The following KIAA0825 variants were observed in gnomAD, a reference collection of about 807,000 sequenced individuals.
KIAA0825 encodes KIAA0825.
Under a neutral mutation model 147.6 loss-of-function variants are expected in KIAA0825, and 119 were observed. The ratio of observed to expected loss-of-function variants is 0.81; its 90% CI spans 0.69 to 0.94. The LOEUF (loss-of-function observed/expected upper bound fraction) is 0.94. Among genes scored for constraint, KIAA0825 ranks in the 40% least tolerant of loss-of-function variants. The probability of loss-of-function intolerance (pLI) is 0.00; values close to 1 mark genes in which losing one functional copy is unlikely to be tolerated. For synonymous variants in KIAA0825, 470 were observed against 518.1 expected (o/e 0.91, Z 1.26); for missense variants, 1,381 against 1,472.7 (o/e 0.94, Z 1.02).
At chr5:94,335,619 C>T (rs1250582886) in intron 20 of KIAA0825, among the ~76,000 whole-genome samples, 2 of 152,014 alleles carry the variant, frequency 1.3e-5, no homozygotes, top group East Asian at 3.8e-4. Context: ...ATACTACTTA[C>T]ACATATTTCC....
At chr5:94,437,274 T>C (rs922067768) in intron 14 of KIAA0825, among the ~76,000 whole-genome samples, 1 of 152,212 alleles carries the variant, frequency 6.6e-6, no homozygotes, top group Non-Finnish European at 1.5e-5. Flanking sequence ...ATTCCATGAA[T>C]ATATTGTTTC....
chr5:94,176,819 A>G (rs943853540), intron 20 of KIAA0825, among the ~76,000 whole-genome samples: 2 of 152,158 alleles, frequency 1.3e-5, no homozygotes, highest in African/African-American at 4.8e-5. Flanking sequence ...CCTGTTTTAT[A>G]CAACAGAAAC....
intron 13 of KIAA0825, among the ~76,000 whole-genome samples, chr5:94,447,326 C>T (rs1384543781): frequency 6.6e-6 from 1 of 151,884 alleles, no homozygotes; most frequent in Non-Finnish European, 1.5e-5. Flanking sequence ...GTATAGAATA[C>T]TAACAATGTT....
chr5:94,166,449 C>T (rs1768038957), intron 20 of KIAA0825, among the ~76,000 whole-genome samples: 1 of 150,198 alleles, frequency 6.7e-6, no homozygotes, highest in South Asian at 2.1e-4. Context: ...TTCCTTGCCT[C>T]ATGAAGCAAT....
intron 20 of KIAA0825, among the ~76,000 whole-genome samples, chr5:94,198,056 G>C (rs778710279): frequency 6.6e-6 from 1 of 152,072 alleles, no homozygotes; most frequent in Non-Finnish European, 1.5e-5. Flanking sequence ...ATTACTTTGG[G>C]CAGTATGACA....
intron 20 of KIAA0825, among the ~76,000 whole-genome samples, chr5:94,216,161 T>C (rs1381334004): frequency 6.6e-6 from 1 of 152,140 alleles, no homozygotes; most frequent in East Asian, 1.9e-4. Context: ...CTTAACATTA[T>C]TATTAGTTTG....
intron 2 of KIAA0825, among the ~76,000 whole-genome samples, chr5:94,553,433 T>A (rs1372475574): frequency 1.5e-4 from 17 of 113,540 alleles, no homozygotes; most frequent in African/African-American, 4.5e-4. Flanking sequence ...AGAGCAAAAC[T>A]CCATCTAAAA....
At chr5:94,561,055 T>C (rs1418257983) in intron 2 of KIAA0825, among the ~76,000 whole-genome samples, 2 of 152,206 alleles carry the variant, frequency 1.3e-5, no homozygotes, top group African/African-American at 4.8e-5. Flanking sequence ...AACCATTTGA[T>C]TACTGCATTA....
chr5:94,157,114 T>C (rs1767103654), intron 20 of KIAA0825, among the ~76,000 whole-genome samples: 1 of 152,186 alleles, frequency 6.6e-6, no homozygotes, highest in South Asian at 2.1e-4. Flanking sequence ...GGAAAAAGCA[T>C]ATCCCTACAG....
At chr5:94,428,957 A>AT (rs1365767947) in intron 14 of KIAA0825, among the ~76,000 whole-genome samples, 4 of 151,852 alleles carry the variant, frequency 2.6e-5, no homozygotes, top group Non-Finnish European at 5.9e-5. Flanking sequence ...AAGCTTTGAG[A>AT]TTTTTTTCTT....
intron 20 of KIAA0825, among the ~76,000 whole-genome samples, chr5:94,229,495 A>C (rs1774495848): frequency 6.8e-6 from 1 of 146,092 alleles, no homozygotes. Context: ...GAACTGGTCC[A>C]TATTGAATTT....
chr5:94,277,520 T>C (rs1777274844), intron 20 of KIAA0825, among the ~76,000 whole-genome samples: 1 of 152,162 alleles, frequency 6.6e-6, no homozygotes, highest in Non-Finnish European at 1.5e-5. Flanking sequence ...TCATCATCAC[T>C]GGTCATTAGA....
intron 20 of KIAA0825, among the ~76,000 whole-genome samples, chr5:94,232,268 A>T (rs934307971): frequency 6.6e-6 from 1 of 152,110 alleles, no homozygotes; most frequent in Non-Finnish European, 1.5e-5. Flanking sequence ...TTATTTTTCC[A>T]TATATACCTT....
chr5:94,460,216 G>A lies in KIAA0825; in HGVS notation c.2246+2171C>T, dbSNP rs79313987. Reference sequence around the variant, plus strand: ...CTGCCTTTATGAAAGAAATATAAGTGATAAGCACTTTGGAAAATACATGGT... The same window carrying A: ...CTGCCTTTATGAAAGAAATATAAGTAATAAGCACTTTGGAAAATACATGGT... On this transcript the variant is annotated intron_variant, in intron 12 of 20. Coordinates refer to ENST00000682413, the MANE Select transcript of KIAA0825 (RefSeq NM_001145678.3). Among the ~76,000 whole-genome samples the A allele has an allele frequency of 8.1e-4, 124 of 152,176 alleles. 3 individuals are homozygous for A. In the East Asian group the frequency reaches 0.021, roughly 26 times the overall value.
intron 20 of KIAA0825, among the ~76,000 whole-genome samples, chr5:94,281,493 A>C (rs1777463535): frequency 6.6e-6 from 1 of 152,038 alleles, no homozygotes. Flanking sequence ...GTGAGGCCTA[A>C]GTGTTGGTTG....
intron 20 of KIAA0825, among the ~76,000 whole-genome samples, chr5:94,253,633 A>G (rs1776093122): frequency 6.6e-6 from 1 of 152,098 alleles, no homozygotes; most frequent in East Asian, 1.9e-4. Flanking sequence ...CTTTGTTAGC[A>G]CTGCAGGGTT....
At chr5:94,579,636 G>T (rs1157302197) in intron 2 of KIAA0825, among the ~76,000 whole-genome samples, 2 of 152,122 alleles carry the variant, frequency 1.3e-5, no homozygotes, top group African/African-American at 4.8e-5. Context: ...TTTGCATAAA[G>T]CTGGCTTGGT....
rs146741529 is a variant in KIAA0825, at chr5:94,500,582, C to T, written c.971-15652G>A. ...GGTGAGGAGTTCTGGTTTATCCATG[C>T]GGTGTTTGGAGTGCCTGTGGAATAG... On this transcript the variant is annotated intron_variant, in intron 5 of 20. Transcript: ENST00000682413. Among the ~76,000 whole-genome samples, 611 of 152,076 alleles carry T rather than the reference C, an allele frequency of 4.0e-3. 5 individuals are homozygous for T. The highest frequency in any genetic ancestry group is 0.014 in the African/African-American group (565 of 41,476).
At chr5:94,391,984 A>G (rs1749961199) in intron 17 of KIAA0825, among the ~76,000 whole-genome samples, 1 of 152,264 alleles carries the variant, frequency 6.6e-6, no homozygotes, top group African/African-American at 2.4e-5. Flanking sequence ...AATTGTTGAA[A>G]TTGCTATAAT....
Sources: allele counts gnomAD v4.1 joint callset (sites outside exome capture counted in the v4.1 genomes callset), GRCh38; gene constraint gnomAD v4.1.1; transcripts MANE v1.5; gene names NCBI Gene and HGNC (gene_info 2026-07-23, HGNC 2026-07-21).